Variants in ABLIM1 observed in about 807,000 individuals in gnomAD.
The protein encoded by ABLIM1 is actin-binding LIM protein 1.
In ABLIM1, 40 loss-of-function variants were observed where a neutral mutation model predicts 107.0. The observed-to-expected ratio is 0.37, with a 90% confidence interval of 0.29 to 0.49. The LOEUF is 0.49. ABLIM1 is among the 20% of genes least tolerant of loss of function. The pLI is 0.97. For missense variants in ABLIM1, 857 were observed against 1,008.5 expected, an observed-to-expected ratio of 0.85 and a Z score of 2.04; for synonymous variants, 357 against 357.3, an observed-to-expected ratio of 1.00 and a Z score of 0.01.
chr10:114,561,002 G>C (rs961407619), intron 4 of ABLIM1, among the ~76,000 whole-genome samples: 1 of 152,194 alleles, frequency 6.6e-6, no homozygotes, highest in Admixed American at 6.5e-5. Context: ...TGCATTAAAG[G>C]CCACTGAAAC....
chr10:114,710,885 C>T (rs762122360), intron 1 of ABLIM1, among the ~76,000 whole-genome samples: 2 of 152,226 alleles, frequency 1.3e-5, no homozygotes, highest in Non-Finnish European at 2.9e-5. Flanking sequence ...ATTTGTGTTC[C>T]ATTCGATCAG....
At chr10:114,490,972 ATATGTG>A (rs1404714196) in intron 7 of ABLIM1, among the ~76,000 whole-genome samples, 6 of 85,034 alleles carry the variant, frequency 7.1e-5, no homozygotes, top group African/African-American at 1.9e-4. Flanking sequence ...CCCGGCATAT[ATATGTG>A]TGTGTGTGTG....
chr10:114,537,546 C>A (rs1345341798), intron 6 of ABLIM1, among the ~76,000 whole-genome samples: 2 of 152,186 alleles, frequency 1.3e-5, no homozygotes, highest in Admixed American at 6.5e-5. Context: ...CCAATTAGAT[C>A]CAGAGTCTCG....
intron 9 of ABLIM1, 47 bp from the exon 10 acceptor site, chr10:114,473,179 T>C (rs200267448): frequency 6.5e-7 from 1 of 1,541,460 alleles, no homozygotes; most frequent in Admixed American, 2.0e-5. Flanking sequence ...GTCTGACTGC[T>C]TTAGGAAACT....
the ABLIM1 span, among the ~76,000 whole-genome samples, chr10:114,796,275 G>C: frequency 2.0e-5 from 3 of 152,284 alleles, no homozygotes; most frequent in African/African-American, 7.2e-5. Flanking sequence ...CAGGGCTCAG[G>C]GATTCTCAAG....
At chr10:114,722,727 G>C (rs1401302783) in intron 1 of ABLIM1, among the ~76,000 whole-genome samples, 1 of 152,240 alleles carries the variant, frequency 6.6e-6, no homozygotes, top group African/African-American at 2.4e-5. Flanking sequence ...CTCTAAGCAG[G>C]TAATGCTTTG....
chr10:114,491,012 G>GTGTGTGTGTGTGTATATATA lies in ABLIM1; in HGVS notation c.982+778_982+779insTATATATACACACACACACA. ...TGTGTGTGTGTGTGTGTGTGTGTGTGTATATATATATATGGTCTATTTTAT... is the reference window on the plus strand; with the variant it reads ...TGTGTGTGTGTGTGTGTGTGTGTGTGTGTGTGTGTGTGTATATATATATATATATATATGGTCTATTTTAT... On this transcript the variant is annotated intron_variant, in intron 7 of 22. Coordinates refer to ENST00000533213, the MANE Select transcript of ABLIM1 (RefSeq NM_002313.7). 5.7e-4 allele frequency among the ~76,000 whole-genome samples: 53 copies of GTGTGTGTGTGTGTATATATA among 92,378 alleles called. 1 individual carries two copies. Among genetic ancestry groups the GTGTGTGTGTGTGTATATATA allele is most frequent in the African/African-American group, 1.8e-3 (40 of 21,702 alleles). 60.6% of individuals were successfully genotyped at this position (92,378 alleles called of 152,430 possible).
rs1377788872 is a variant in ABLIM1, at chr10:114,434,529, C to G, written c.*1731G>C. 6.6e-6 allele frequency: 1 copy of G among 152,170 alleles called. No homozygotes were observed. The highest frequency in any genetic ancestry group is 1.5e-5 in the Non-Finnish European group (1 of 68,030). The allele number at this position is 152,170 out of a possible 1,614,324, so 9.4% of individuals were successfully genotyped here. ...TTTTTTACCACTGGTGTCAGAGAGA[C>G]AGCTTGTAATCCTAATATTTGGTGC... On this transcript the variant is annotated 3_prime_UTR_variant, in exon 23 of 23. Coordinates refer to ENST00000533213, the MANE Select transcript of ABLIM1 (RefSeq NM_002313.7).
intron 6 of ABLIM1, among the ~76,000 whole-genome samples, chr10:114,508,894 T>C (rs1268434556): frequency 1.3e-5 from 2 of 152,210 alleles, no homozygotes; most frequent in Non-Finnish European, 2.9e-5. Flanking sequence ...CAGATGAAGA[T>C]AGCAACAGTC....
chr10:114,515,081 G>A lies in ABLIM1; in HGVS notation c.895-23203C>T, dbSNP rs918640457. Among the ~76,000 whole-genome samples the A allele has an allele frequency of 4.6e-5, 7 of 152,194 alleles. No homozygotes were observed. In the South Asian group the frequency reaches 6.2e-4, roughly 14 times the overall value. ...GCAGGGGATGGGTGAGAAGGAGCGC[G>A]TGCATAAAATCACATTAAAGGTAAG... On this transcript the variant is annotated intron_variant, in intron 6 of 22. Transcript: ENST00000533213.
intron 12 of ABLIM1, among the ~76,000 whole-genome samples, chr10:114,455,105 C>A (rs188647113): frequency 6.6e-6 from 1 of 151,924 alleles, no homozygotes; most frequent in Non-Finnish European, 1.5e-5. Flanking sequence ...CAATTGTTAC[C>A]GTTTGAATAT....
In ABLIM1 at chr10:114,465,970, G is replaced by A. The variant is rs1438156171; in HGVS notation, c.1312-143C>T. 3.2e-5 allele frequency: 32 copies of A among 1,012,216 alleles called. 1 individual carries two copies. Among genetic ancestry groups the A allele is most frequent in the South Asian group, 5.6e-5 (3 of 53,972 alleles). The allele number at this position is 1,012,216 out of a possible 1,614,324, so 62.7% of individuals were successfully genotyped here. On this transcript the variant is annotated intron_variant, in intron 11 of 22. Transcript: ENST00000533213. ...GCACTTATTTTTATGTGCAAATTTT[G>A]CAGGTATTTTATATGCAAATAAGCA...
At position 114,487,938 on chromosome 10, in the gene ABLIM1, T is replaced by C. The variant is rs1458140447; in HGVS notation, c.1041+20A>G. On this transcript the variant is annotated intron_variant, in intron 8 of 22. Transcript: ENST00000533213. ...TGGCCTACAAATGCAGCTGGCATCA[T>C]GTTTTAATTGTGTCCTTACCCGCAG... The C allele has an allele frequency of 6.8e-6, 11 of 1,613,856 alleles. No homozygotes were observed. The South Asian group carries it at 1.1e-4, about 16-fold the overall frequency.
chr10:114,656,065 G>A (rs1244771771), intron 1 of ABLIM1, among the ~76,000 whole-genome samples: 3 of 152,142 alleles, frequency 2.0e-5, no homozygotes, highest in African/African-American at 7.2e-5. Context: ...GAGGTCAGGA[G>A]TTCCAGACCA....
intron 1 of ABLIM1, among the ~76,000 whole-genome samples, chr10:114,705,223 A>G (rs1166596021): frequency 6.6e-6 from 1 of 152,212 alleles, no homozygotes; most frequent in African/African-American, 2.4e-5. Context: ...GCTAAAACAC[A>G]AGAAGTACGA....
intron 17 of ABLIM1, among the ~76,000 whole-genome samples, chr10:114,442,087 A>G (rs887285595): frequency 1.3e-5 from 2 of 152,236 alleles, no homozygotes; most frequent in Non-Finnish European, 2.9e-5. Flanking sequence ...TGAATCTTCA[A>G]TATAACCCTA....
At chr10:114,651,486 T>A (rs1253897910) in intron 1 of ABLIM1, among the ~76,000 whole-genome samples, 1 of 152,052 alleles carries the variant, frequency 6.6e-6, no homozygotes, top group Non-Finnish European at 1.5e-5. Context: ...GAATTGCACA[T>A]ACAAAGAGAG....
intron 1 of ABLIM1, among the ~76,000 whole-genome samples, chr10:114,743,069 T>C (rs1184311830): frequency 6.6e-6 from 1 of 152,238 alleles, no homozygotes; most frequent in Non-Finnish European, 1.5e-5. Flanking sequence ...TTACTACTAC[T>C]ACTAATAAGT....
chr10:114,474,050 T>C (rs2067092970), intron 8 of ABLIM1, 94 bp from the exon 9 acceptor site: 2 of 899,386 alleles, frequency 2.2e-6, no homozygotes, highest in Non-Finnish European at 3.4e-6. Flanking sequence ...ACTCAGCTAG[T>C]GAAAAAAAGA....
Sources: gnomAD v4.1 joint callset for allele counts (sites outside exome capture counted in the v4.1 genomes callset) on GRCh38, gnomAD v4.1.1 for gene constraint, MANE v1.5 for transcripts, NCBI Gene and HGNC (gene_info 2026-07-23, HGNC 2026-07-21) for gene names.